TTC28: variants seen among roughly 807,000 people sequenced by gnomAD.
The protein encoded by TTC28 is tetratricopeptide repeat protein 28.
A neutral mutation model predicts 198.0 loss-of-function variants in TTC28; 61 were observed. The ratio of observed to expected loss-of-function variants is 0.31; its 90% CI spans 0.25 to 0.38. TTC28 has a LOEUF of 0.38. TTC28 is among the 10% of genes least tolerant of loss of function. The pLI is 1.00. For missense variants in TTC28, 2,678 were observed against 3,164.0 expected, an observed-to-expected ratio of 0.85 and a Z score of 3.69; for synonymous variants, 1,171 against 1,297.8, an observed-to-expected ratio of 0.90 and a Z score of 2.10.
chr22:28,254,315 A>G (rs1012133546), intron 5 of TTC28, among the ~76,000 whole-genome samples: 1 of 152,158 alleles, frequency 6.6e-6, no homozygotes, highest in African/African-American at 2.4e-5. Context: ...GAATGTAGAG[A>G]AAACCACAAT....
intron 12 of TTC28, among the ~76,000 whole-genome samples, chr22:28,032,367 C>G (rs549382190): frequency 3.8e-4 from 56 of 148,352 alleles, no homozygotes; most frequent in African/African-American, 1.4e-3. Flanking sequence ...ATAAAAACAT[C>G]TAGTAATTAT....
chr22:28,214,680 G>A (rs535576397), intron 5 of TTC28, among the ~76,000 whole-genome samples: 1 of 152,214 alleles, frequency 6.6e-6, no homozygotes, highest in Non-Finnish European at 1.5e-5. Context: ...TTACACTGTT[G>A]GTGGGACTGT....
At chr22:28,126,912 T>C (rs975626778) in intron 6 of TTC28, among the ~76,000 whole-genome samples, 1 of 152,162 alleles carries the variant, frequency 6.6e-6, no homozygotes, top group Non-Finnish European at 1.5e-5. Flanking sequence ...AAGAGTTCTA[T>C]AGAACACAAT....
intron 2 of TTC28, among the ~76,000 whole-genome samples, chr22:28,436,236 C>A (rs529621739): frequency 2.0e-5 from 3 of 152,310 alleles, no homozygotes; most frequent in East Asian, 1.9e-4. Flanking sequence ...ACTGGCCGGT[C>A]AGAAGATCTT....
At chr22:28,566,032 TG>T (rs1354784290) in intron 2 of TTC28, among the ~76,000 whole-genome samples, 2 of 152,166 alleles carry the variant, frequency 1.3e-5, no homozygotes, top group Non-Finnish European at 2.9e-5. Flanking sequence ...AGGATGGTCC[TG>T]GGACAATATG....
chr22:28,586,290 A>G (rs1483021458), intron 2 of TTC28, among the ~76,000 whole-genome samples: 1 of 152,024 alleles, frequency 6.6e-6, no homozygotes, highest in Non-Finnish European at 1.5e-5. Flanking sequence ...AAAAAAAAAA[A>G]AAGAAAGAAA....
At chr22:28,006,111 G>T (rs1239497517) in intron 14 of TTC28, among the ~76,000 whole-genome samples, 1 of 152,146 alleles carries the variant, frequency 6.6e-6, no homozygotes, top group Non-Finnish European at 1.5e-5. Context: ...GCCCTGTCAC[G>T]GAGTCTGGGT....
chr22:28,576,796 T>A (rs984042325), intron 2 of TTC28, among the ~76,000 whole-genome samples: 1 of 152,122 alleles, frequency 6.6e-6, no homozygotes, highest in Non-Finnish European at 1.5e-5. Context: ...TAGCCTCTAA[T>A]CCTTTGAATT....
At chr22:28,208,770 T>G (rs2147172031) in intron 5 of TTC28, among the ~76,000 whole-genome samples, 1 of 152,278 alleles carries the variant, frequency 6.6e-6, no homozygotes, top group South Asian at 2.1e-4. Context: ...GAAGAAAAGT[T>G]GTGGTCAACA....
At chr22:28,020,504 CTGGAA>C (rs1349462149) in intron 13 of TTC28, among the ~76,000 whole-genome samples, 1 of 152,182 alleles carries the variant, frequency 6.6e-6, no homozygotes, top group Non-Finnish European at 1.5e-5. Flanking sequence ...GCTCATGTCT[CTGGAA>C]TGATGACAAA....
At chr22:28,677,952 AAAG>A (rs1056607578) in intron 1 of TTC28, among the ~76,000 whole-genome samples, 3 of 152,174 alleles carry the variant, frequency 2.0e-5, no homozygotes, top group Admixed American at 6.5e-5. Context: ...AAAAAAAGAA[AAAG>A]AAGAAAATTT....
At chr22:28,146,389 C>T (rs1943470460) in intron 6 of TTC28, among the ~76,000 whole-genome samples, 1 of 152,216 alleles carries the variant, frequency 6.6e-6, no homozygotes, top group African/African-American at 2.4e-5. Context: ...TGTGTGAGTT[C>T]TTCACTGACG....
At chr22:28,454,386 T>C (rs547473258) in intron 2 of TTC28, among the ~76,000 whole-genome samples, 2 of 152,332 alleles carry the variant, frequency 1.3e-5, no homozygotes, top group East Asian at 3.9e-4. Flanking sequence ...AAACTAAATA[T>C]ATAGAATTTC....
chr22:28,420,344 G>A (rs533626124), intron 2 of TTC28, among the ~76,000 whole-genome samples: 1 of 151,996 alleles, frequency 6.6e-6, no homozygotes, highest in Admixed American at 6.6e-5. Flanking sequence ...TCATTTTTCT[G>A]ACTTTAATAC....
At chr22:28,388,883 C>A (rs751269731) in intron 2 of TTC28, among the ~76,000 whole-genome samples, 132 of 152,180 alleles carry the variant, frequency 8.7e-4, no homozygotes, top group African/African-American at 1.2e-3. Flanking sequence ...ACTATGTTGA[C>A]TAGGAGTGGT....
chr22:28,132,526 GAGTT>G (rs1943084055), intron 6 of TTC28, among the ~76,000 whole-genome samples: 1 of 152,158 alleles, frequency 6.6e-6, no homozygotes, highest in African/African-American at 2.4e-5. Flanking sequence ...AGTAAAGTAA[GAGTT>G]AGACTGAATA....
rs941653108 is a variant in TTC28, at chr22:28,534,839, A to G, written c.381+94713T>C. ...AGAAAACCAAACACCACATGTTCTC[A>G]CTAATAGGTGGGAATTGAACAATGA... is the stretch of plus-strand genomic sequence containing the variant. On this transcript the variant is annotated intron_variant, in intron 2 of 22. Coordinates refer to ENST00000397906, the MANE Select transcript of TTC28 (RefSeq NM_001145418.2). Among the ~76,000 whole-genome samples the G allele has an allele frequency of 3.9e-5, 6 of 151,982 alleles. No homozygotes were observed. The East Asian group carries it at 1.2e-3, about 29-fold the overall frequency.
chr22:28,318,663 ATGT>A (rs1016382577), intron 2 of TTC28, among the ~76,000 whole-genome samples: 2 of 152,102 alleles, frequency 1.3e-5, no homozygotes, highest in East Asian at 1.9e-4. Flanking sequence ...GATATAAAAC[ATGT>A]TGTATTTTTA....
intron 13 of TTC28, among the ~76,000 whole-genome samples, chr22:28,020,860 G>A (rs1277688354): frequency 2.6e-5 from 4 of 151,926 alleles, no homozygotes; most frequent in Non-Finnish European, 5.9e-5. Flanking sequence ...TGAAATGCAC[G>A]CACCCACTCT....
Sources: gnomAD v4.1 joint callset for allele counts (sites outside exome capture counted in the v4.1 genomes callset) on GRCh38, gnomAD v4.1.1 for gene constraint, MANE v1.5 for transcripts, NCBI Gene and HGNC (gene_info 2026-07-23, HGNC 2026-07-21) for gene names.